ARHGAP15: variants seen among roughly 807,000 people sequenced by gnomAD.
The protein encoded by ARHGAP15 is rho GTPase-activating protein 15.
ARHGAP15 carries 51 observed loss-of-function variants against 63.7 expected under a neutral mutation model. The ratio of observed to expected loss-of-function variants is 0.80; its 90% CI spans 0.64 to 1.01. ARHGAP15 has a LOEUF of 1.01. Among genes scored for constraint, ARHGAP15 ranks in the 50% least tolerant of loss-of-function variants. The probability of loss-of-function intolerance (pLI) is 0.00; values close to 1 mark genes in which losing one functional copy is unlikely to be tolerated. For synonymous variants in ARHGAP15, 191 were observed against 193.8 expected (o/e 0.99, Z 0.12); for missense variants, 560 against 564.6 (o/e 0.99, Z 0.08).
Position 143,566,939 on chromosome 2 carries a change from G to A in ARHGAP15, c.1003+10454G>A, listed in dbSNP as rs143679858. Among the ~76,000 whole-genome samples, 39 of 150,952 alleles carry A rather than the reference G, an allele frequency of 2.6e-4. No homozygotes were observed. The East Asian group carries it at 6.4e-3, about 25-fold the overall frequency. On this transcript the variant is annotated intron_variant, in intron 11 of 13. Transcript: ENST00000295095. ...GTCTCGCTCTGTCGCCCAGTGCCAC[G>A]ATCTCGGTTCACTGCAAGCTCTGCC... is the stretch of plus-strand genomic sequence containing the variant.
At chr2:143,134,134 TCTATCTATCTATCTATCTAC>T (rs1457682371) in intron 1 of ARHGAP15, among the ~76,000 whole-genome samples, 464 of 30,512 alleles carry the variant, frequency 0.015, 4 homozygotes, top group Middle Eastern at 0.031. Context: ...TATCTATCTA[TCTATCTATCTATCTATCTAC>T]CTATCTATCT....
At chr2:143,664,188 G>A (rs1045416407) in intron 12 of ARHGAP15, among the ~76,000 whole-genome samples, 11 of 152,068 alleles carry the variant, frequency 7.2e-5, no homozygotes, top group Non-Finnish European at 1.2e-4. Context: ...CTCAGCAAAC[G>A]TAAAAGAACA....
At chr2:143,387,890 T>C (rs1030536568) in intron 6 of ARHGAP15, among the ~76,000 whole-genome samples, 2 of 147,530 alleles carry the variant, frequency 1.4e-5, no homozygotes, top group African/African-American at 2.5e-5. Flanking sequence ...TGCGTGCACA[T>C]ACACATACAC....
intron 11 of ARHGAP15, among the ~76,000 whole-genome samples, chr2:143,570,796 A>G (rs886499358): frequency 1.3e-5 from 2 of 152,228 alleles, no homozygotes; most frequent in Non-Finnish European, 2.9e-5. Context: ...AAAAGAGAAG[A>G]TATGTCTTGT....
chr2:143,558,089 A>G (rs1276786507), intron 11 of ARHGAP15, among the ~76,000 whole-genome samples: 2 of 152,080 alleles, frequency 1.3e-5, no homozygotes, highest in African/African-American at 4.8e-5. Flanking sequence ...AAACAGTCAA[A>G]AGTGTCTTCA....
chr2:143,501,965 G>A (rs770735079), intron 9 of ARHGAP15, among the ~76,000 whole-genome samples: 8 of 152,180 alleles, frequency 5.3e-5, no homozygotes, highest in South Asian at 2.1e-4. Context: ...GGCCTCAAAG[G>A]TATTGACCGG....
chr2:143,645,900 A>T (rs1260969514), intron 12 of ARHGAP15, among the ~76,000 whole-genome samples: 1 of 152,238 alleles, frequency 6.6e-6, no homozygotes, highest in East Asian at 1.9e-4. Context: ...AAAATGTTCA[A>T]GATGGCATTA....
chr2:143,448,011 A>G (rs1251109690), intron 8 of ARHGAP15, among the ~76,000 whole-genome samples: 1 of 152,146 alleles, frequency 6.6e-6, no homozygotes, highest in Non-Finnish European at 1.5e-5. Context: ...AGAGCCAGGG[A>G]AGAGAACATA....
At chr2:143,591,612 TTC>T (rs1491011167) in intron 11 of ARHGAP15, among the ~76,000 whole-genome samples, 29 of 56,672 alleles carry the variant, frequency 5.1e-4, no homozygotes, top group Non-Finnish European at 7.6e-4. Flanking sequence ...TTTTTGTTTG[TTC>T]TTTTTTTTTT....
chr2:143,679,167 A>G (rs1016306222), intron 12 of ARHGAP15, among the ~76,000 whole-genome samples: 5 of 152,074 alleles, frequency 3.3e-5, no homozygotes, highest in African/African-American at 9.7e-5. Flanking sequence ...GCTGCACTCA[A>G]CCAGAATCTT....
At chr2:143,481,204 A>G (rs1450520600) in intron 8 of ARHGAP15, among the ~76,000 whole-genome samples, 4 of 152,058 alleles carry the variant, frequency 2.6e-5, no homozygotes, top group African/African-American at 9.7e-5. Flanking sequence ...TCCTTTTGGA[A>G]TTGAATTGAA....
chr2:143,171,055 G>A (rs571615621), intron 2 of ARHGAP15, among the ~76,000 whole-genome samples: 69 of 151,964 alleles, frequency 4.5e-4, no homozygotes, highest in Non-Finnish European at 7.9e-4. Flanking sequence ...CACAGAGAGG[G>A]CAAAAACACA....
intron 8 of ARHGAP15, among the ~76,000 whole-genome samples, chr2:143,445,072 AC>A (rs1484980714): frequency 6.6e-6 from 1 of 151,962 alleles, no homozygotes. Context: ...AAATGCCATA[AC>A]CAAGTAGAAA....
At position 143,397,334 on chromosome 2, in the gene ARHGAP15, GTGTGTGTGTGTGTA is replaced by G. The variant is rs1358625972; in HGVS notation, c.475-38265_475-38252del. ...GATATGTATGTGTGTGTGTGTGTGT[GTGTGTGTGTGTGTA>G]TATATATATCTCCAACCTTAGTTTC... On this transcript the variant is annotated intron_variant, in intron 6 of 13. Coordinates refer to ENST00000295095, the MANE Select transcript of ARHGAP15 (RefSeq NM_018460.4). Among the ~76,000 whole-genome samples the G allele has an allele frequency of 3.4e-5, 5 of 148,942 alleles. No individual in the cohort carries two copies. The South Asian group carries it at 8.6e-4, about 26-fold the overall frequency.
chr2:143,487,606 CT>C, intron 9 of ARHGAP15, 111 bp downstream of exon 9: 1 of 1,256,260 alleles, frequency 8.0e-7, no homozygotes, highest in Non-Finnish European at 1.1e-6. Context: ...TCTTAGGTTG[CT>C]TATTAAATTT....
intron 10 of ARHGAP15, among the ~76,000 whole-genome samples, chr2:143,555,212 C>T (rs185454458): frequency 6.6e-6 from 1 of 152,092 alleles, no homozygotes; most frequent in African/African-American, 2.4e-5. Flanking sequence ...AGAAGTGTTC[C>T]TAATACAAAG....
intron 12 of ARHGAP15, among the ~76,000 whole-genome samples, chr2:143,689,496 C>G (rs1017412642): frequency 6.6e-6 from 1 of 152,192 alleles, no homozygotes; most frequent in Non-Finnish European, 1.5e-5. Flanking sequence ...TTACTCATCT[C>G]AAAATGTAGA....
At chr2:143,456,968 A>G (rs1403457553) in intron 8 of ARHGAP15, among the ~76,000 whole-genome samples, 2 of 152,022 alleles carry the variant, frequency 1.3e-5, no homozygotes, top group Non-Finnish European at 2.9e-5. Context: ...TATAATAAAA[A>G]TTAAACTAGC....
At chr2:143,578,824 A>C (rs1183183948) in intron 11 of ARHGAP15, among the ~76,000 whole-genome samples, 3 of 152,180 alleles carry the variant, frequency 2.0e-5, no homozygotes, top group Non-Finnish European at 4.4e-5. Context: ...CTTCTGTTTG[A>C]ATCTATTTTA....
Sources: allele counts gnomAD v4.1 joint callset (sites outside exome capture counted in the v4.1 genomes callset), GRCh38; gene constraint gnomAD v4.1.1; transcripts MANE v1.5; gene names NCBI Gene and HGNC (gene_info 2026-07-23, HGNC 2026-07-21).